Variants in NARS2 observed in about 807,000 individuals in gnomAD.
NARS2 encodes asparaginyl-tRNA synthetase 2, mitochondrial, also known as asparaginyl-tRNA synthetase.
NARS2 carries 60 observed loss-of-function variants against 62.9 expected under a neutral mutation model. The observed-to-expected ratio is 0.95, with a 90% CI of 0.77 to 1.18. NARS2 has a LOEUF of 1.18. Ranked by LOEUF, NARS2 falls within the 50% of genes most tolerant of loss-of-function variation. The pLI is 0.00. For synonymous variants in NARS2, 196 were observed against 200.0 expected (o/e 0.98, Z 0.17); for missense variants, 619 against 576.4 (o/e 1.07, Z -0.76).
intron 2 of NARS2, among the ~76,000 whole-genome samples, chr11:78,570,705 A>G (rs568070944): frequency 3.2e-4 from 48 of 152,344 alleles, no homozygotes; most frequent in African/African-American, 1.1e-3. Flanking sequence ...AAACCTGATG[A>G]ATGAGACCAT....
At chr11:78,555,718 C>T (rs1209781541) in intron 5 of NARS2, among the ~76,000 whole-genome samples, 1 of 152,024 alleles carries the variant, frequency 6.6e-6, no homozygotes, top group East Asian at 1.9e-4. Context: ...TCATCTTTTG[C>T]TAGCTTTGGG....
intron 5 of NARS2, among the ~76,000 whole-genome samples, chr11:78,544,727 G>A (rs965889796): frequency 1.3e-5 from 2 of 150,216 alleles, no homozygotes; most frequent in Non-Finnish European, 2.9e-5. Context: ...CTGGGAGACG[G>A]AGTTTGCAGT....
At chr11:78,558,831 T>C (rs1156471495) in intron 5 of NARS2, among the ~76,000 whole-genome samples, 3 of 152,224 alleles carry the variant, frequency 2.0e-5, no homozygotes, top group African/African-American at 7.2e-5. Context: ...AAGAAAATGA[T>C]ATTCACATGT....
Position 78,441,191 on chromosome 11 carries a change from G to A in NARS2, c.1263-74C>T, listed in dbSNP as rs1857567698. The A allele has an allele frequency of 9.5e-6, 13 of 1,372,670 alleles. No individual in the cohort carries two copies. In the African/African-American group the frequency reaches 1.9e-4, roughly 20 times the overall value. 85.0% of individuals were successfully genotyped at this position (1,372,670 alleles called of 1,614,324 possible). ...TATTAACCACTAGACATTTATTCTG[G>A]GTGTGTGCAAAGAACTCTTTATGAA... On this transcript the variant is annotated intron_variant, in intron 12 of 13. Transcript: ENST00000281038.
intron 5 of NARS2, among the ~76,000 whole-genome samples, chr11:78,548,317 A>G (rs1855956541): frequency 6.6e-6 from 1 of 152,240 alleles, no homozygotes; most frequent in Non-Finnish European, 1.5e-5. Context: ...TTGTTTTGAG[A>G]AGAGGTTTGA....
Position 78,486,011 on chromosome 11 carries a change from A to G in NARS2, c.822+7052T>C, listed in dbSNP as rs185935345. On this transcript the variant is annotated intron_variant, in intron 7 of 13. Coordinates refer to ENST00000281038, the MANE Select transcript of NARS2 (RefSeq NM_024678.6). ...TGCCTCAGCCTCCCAAGTAGCTCGG[A>G]TTACAGGCACATGTCACCATGCCCA... Among the ~76,000 whole-genome samples the G allele has an allele frequency of 3.9e-3, 592 of 152,138 alleles. 1 individual carries two copies. The highest frequency in any genetic ancestry group is 6.6e-3 in the Non-Finnish European group (452 of 67,972).
intron 6 of NARS2, among the ~76,000 whole-genome samples, chr11:78,520,017 A>G (rs900375919): frequency 1.6e-4 from 25 of 152,114 alleles, no homozygotes; most frequent in Non-Finnish European, 3.2e-4. Flanking sequence ...TTGGTCAAAC[A>G]GTTATATTTA....
At chr11:78,531,263 A>T (rs1272550784) in intron 5 of NARS2, among the ~76,000 whole-genome samples, 1 of 152,214 alleles carries the variant, frequency 6.6e-6, no homozygotes, top group Non-Finnish European at 1.5e-5. Flanking sequence ...ACCCAACAGC[A>T]GCAGAATATA....
chr11:78,448,116 C>T (rs998217574), intron 11 of NARS2, among the ~76,000 whole-genome samples: 2 of 152,054 alleles, frequency 1.3e-5, no homozygotes, highest in Non-Finnish European at 1.5e-5. Flanking sequence ...TTTAATCATA[C>T]CACATTGTAT....
intron 5 of NARS2, among the ~76,000 whole-genome samples, chr11:78,551,088 G>A (rs919058365): frequency 6.6e-6 from 1 of 152,170 alleles, no homozygotes; most frequent in Admixed American, 6.5e-5. Flanking sequence ...GGCTGCTACT[G>A]GGTACAGTTT....
At chr11:78,560,406 C>T (rs1338705281) in intron 4 of NARS2, among the ~76,000 whole-genome samples, 5 of 152,194 alleles carry the variant, frequency 3.3e-5, no homozygotes, top group Non-Finnish European at 7.3e-5. Context: ...CAAGGTTATG[C>T]TTCTTTCATT....
intron 6 of NARS2, among the ~76,000 whole-genome samples, chr11:78,495,799 T>A (rs2135337089): frequency 6.6e-6 from 1 of 152,330 alleles, no homozygotes; most frequent in Non-Finnish European, 1.5e-5. Context: ...GTTTCCAATC[T>A]GTGACTGTGC....
chr11:78,449,134 T>G (rs1225251451), intron 11 of NARS2, among the ~76,000 whole-genome samples: 2 of 62,622 alleles, frequency 3.2e-5, no homozygotes, highest in Admixed American at 1.6e-4. Context: ...CTAAAAAATG[T>G]TTTTTTTTTT....
intron 13 of NARS2, among the ~76,000 whole-genome samples, chr11:78,439,233 T>G (rs1857502525): frequency 6.6e-6 from 1 of 152,044 alleles, no homozygotes; most frequent in African/African-American, 2.4e-5. Flanking sequence ...GAGATGGGGT[T>G]TTACCATGTT....
chr11:78,530,349 A>G (rs1228021505), intron 5 of NARS2, among the ~76,000 whole-genome samples: 2 of 152,184 alleles, frequency 1.3e-5, no homozygotes, highest in Non-Finnish European at 1.5e-5. Context: ...AATTTATAAG[A>G]CTACCATACT....
chr11:78,556,481 G>A lies in NARS2; in HGVS notation c.594+3058C>T, dbSNP rs900424709. ...CTGAGAAGTCAGAAGAGGAGTAACAGCCACATCACCAAAGAGAACAATTTT... is the reference window on the plus strand; with the variant it reads ...CTGAGAAGTCAGAAGAGGAGTAACAACCACATCACCAAAGAGAACAATTTT... On this transcript the variant is annotated intron_variant, in intron 5 of 13. Coordinates refer to ENST00000281038, the MANE Select transcript of NARS2 (RefSeq NM_024678.6). Among the ~76,000 whole-genome samples, 5 of 152,204 alleles carry A rather than the reference G, an allele frequency of 3.3e-5. No homozygotes were observed. In the East Asian group the frequency reaches 9.6e-4, roughly 29 times the overall value.
intron 12 of NARS2, 40 bp downstream of exon 12, chr11:78,443,621 T>C: frequency 1.3e-6 from 2 of 1,485,620 alleles, no homozygotes; most frequent in Non-Finnish European, 1.9e-6. Context: ...CGCCTTATGC[T>C]CAATTTCTCA....
intron 12 of NARS2, among the ~76,000 whole-genome samples, chr11:78,442,089 C>A (rs1857593316): frequency 6.6e-6 from 1 of 152,146 alleles, no homozygotes. Context: ...ACAGATGTGG[C>A]TATTATCAGG....
intron 1 of NARS2, among the ~76,000 whole-genome samples, chr11:78,572,829 A>G (rs1164025593): frequency 6.6e-6 from 1 of 152,220 alleles, no homozygotes; most frequent in Non-Finnish European, 1.5e-5. Context: ...AATCAATATA[A>G]AAACATATTG....
Sources: allele counts gnomAD v4.1 joint callset (sites outside exome capture counted in the v4.1 genomes callset), GRCh38; gene constraint gnomAD v4.1.1; transcripts MANE v1.5; gene names NCBI Gene and HGNC (gene_info 2026-07-23, HGNC 2026-07-21).